Variants in TRDN observed in about 807,000 individuals in gnomAD.
TRDN encodes triadin in skeletal muscle.
In TRDN, 161 loss-of-function variants were observed where a neutral mutation model predicts 149.7. The observed-to-expected ratio is 1.08, with a 90% CI of 0.95 to 1.23. The LOEUF is 1.23. TRDN is among the 50% of genes most tolerant of loss of function. The probability of loss-of-function intolerance (pLI) is 0.00; values close to 1 mark genes in which losing one functional copy is unlikely to be tolerated. For synonymous variants in TRDN, 294 were observed against 250.5 expected, an observed-to-expected ratio of 1.17 and a Z score of -1.64; for missense variants, 896 against 823.5, an observed-to-expected ratio of 1.09 and a Z score of -1.08.
chr6:123,301,772 T>TATATATATATATACATATATATATATAC (rs1417818224), intron 24 of TRDN, among the ~76,000 whole-genome samples: 1 of 124,876 alleles, frequency 8.0e-6, no homozygotes, highest in Non-Finnish European at 1.7e-5. Flanking sequence ...TATATATACA[T>TATATATATATATACATATATATATATAC]ATATATATAT....
At chr6:123,415,724 TG>T (rs1200623436) in intron 12 of TRDN, among the ~76,000 whole-genome samples, 1 of 152,168 alleles carries the variant, frequency 6.6e-6, no homozygotes, top group Non-Finnish European at 1.5e-5. Flanking sequence ...TAAAGGTCAA[TG>T]GTACCTCAGT....
intron 23 of TRDN, among the ~76,000 whole-genome samples, chr6:123,320,038 T>G (rs1351901331): frequency 6.6e-6 from 1 of 152,040 alleles, no homozygotes; most frequent in African/African-American, 2.4e-5. Flanking sequence ...AGAAATAAAT[T>G]TATTCAATAT....
chr6:123,563,043 G>A (rs1331909271), intron 2 of TRDN, among the ~76,000 whole-genome samples: 1 of 152,166 alleles, frequency 6.6e-6, no homozygotes, highest in Non-Finnish European at 1.5e-5. Context: ...GTTTAGAAAT[G>A]TGCACTTGTG....
At chr6:123,303,719 A>C (rs760477211) in intron 24 of TRDN, among the ~76,000 whole-genome samples, 7 of 152,176 alleles carry the variant, frequency 4.6e-5, no homozygotes, top group Non-Finnish European at 7.3e-5. Context: ...TGGATTAAAC[A>C]AGTAGAAACT....
intron 21 of TRDN, among the ~76,000 whole-genome samples, chr6:123,341,264 G>T (rs931879820): frequency 6.6e-6 from 1 of 151,744 alleles, no homozygotes; most frequent in Non-Finnish European, 1.5e-5. Flanking sequence ...CATTAACTTT[G>T]TAATTAAATA....
chr6:123,533,398 G>A (rs1780346093), intron 4 of TRDN, among the ~76,000 whole-genome samples: 1 of 152,060 alleles, frequency 6.6e-6, no homozygotes, highest in African/African-American at 2.4e-5. Context: ...CAGTGCTGAA[G>A]GCCATCTTGC....
At chr6:123,393,772 TA>T (rs1028277574) in intron 12 of TRDN, 95 bp from the exon 13 acceptor site, 35 of 1,198,906 alleles carry the variant, frequency 2.9e-5, no homozygotes, top group Non-Finnish European at 4.1e-5. Context: ...CAAACGAGCA[TA>T]AAAAGTGTTG....
chr6:123,246,797 A>G (rs1050705254), intron 38 of TRDN, among the ~76,000 whole-genome samples: 1 of 152,038 alleles, frequency 6.6e-6, no homozygotes, highest in Non-Finnish European at 1.5e-5. Flanking sequence ...ACAGAAAAAA[A>G]AAAAAAGAAA....
intron 12 of TRDN, among the ~76,000 whole-genome samples, chr6:123,412,345 C>T (rs1455749966): frequency 6.6e-6 from 1 of 152,102 alleles, no homozygotes; most frequent in Non-Finnish European, 1.5e-5. Context: ...TGTTTAAATG[C>T]AAAATTAAAT....
chr6:123,425,235 GTGTGT>G (rs1562306934), intron 12 of TRDN, among the ~76,000 whole-genome samples: 218 of 3,312 alleles, frequency 0.066, 2 homozygotes, highest in Non-Finnish European at 0.18. Context: ...AGGTAGAGGT[GTGTGT>G]GTGTGTGTGT....
chr6:123,355,739 G>A (rs900555159), intron 20 of TRDN, among the ~76,000 whole-genome samples: 3 of 151,712 alleles, frequency 2.0e-5, no homozygotes, highest in Admixed American at 6.6e-5. Context: ...ACAAAATCAA[G>A]TCATCTGATT....
At chr6:123,356,438 A>C (rs62418991) in intron 20 of TRDN, among the ~76,000 whole-genome samples, 36,716 of 146,182 alleles carry the variant, frequency 0.25, 4,828 homozygotes, top group South Asian at 0.28. Flanking sequence ...TATCTTTCAT[A>C]CGTACTAGCA....
chr6:123,543,453 T>C (rs1352466008), intron 4 of TRDN, among the ~76,000 whole-genome samples: 2 of 152,190 alleles, frequency 1.3e-5, no homozygotes, highest in Non-Finnish European at 1.5e-5. Flanking sequence ...GTCCGAATTC[T>C]GTATTAGTGA....
Position 123,465,068 on chromosome 6 carries a change from A to G in TRDN, c.854-85T>C, listed in dbSNP as rs961013662. The stretch of plus-strand genomic sequence containing the variant: ...AACTAAAAAGCTAGATCTGTCCCCT[A>G]CATGCATAATTCATAATACCAAGCC... On this transcript the variant is annotated intron_variant, in intron 9 of 40. Transcript: ENST00000334268. 21 of 1,389,512 alleles carry G rather than the reference A, an allele frequency of 1.5e-5. No homozygotes were observed. The Middle Eastern group carries it at 6.5e-4, about 43-fold the overall frequency. The allele number at this position is 1,389,512 out of a possible 1,614,324, so 86.1% of individuals were successfully genotyped here. A position where few individuals can be genotyped will look rare whatever the true frequency, so the allele number is the denominator to read the frequency against.
intron 2 of TRDN, among the ~76,000 whole-genome samples, chr6:123,548,917 C>A (rs533584376): frequency 2.0e-5 from 3 of 152,038 alleles, no homozygotes; most frequent in South Asian, 2.1e-4. Context: ...TGCAAATAAA[C>A]CCTATGTTAT....
At chr6:123,254,321 G>A (rs1219037479) in intron 37 of TRDN, among the ~76,000 whole-genome samples, 1 of 151,900 alleles carries the variant, frequency 6.6e-6, no homozygotes, top group Non-Finnish European at 1.5e-5. Flanking sequence ...CGTGTGAAAG[G>A]TATGTCTAGA....
At position 123,503,886 on chromosome 6, in the gene TRDN, T is replaced by G; in HGVS notation, c.626A>C (p.Lys209Thr). The G allele has an allele frequency of 6.4e-7, 1 of 1,566,002 alleles. No homozygotes were observed. The highest frequency in any genetic ancestry group is 8.7e-7 in the Non-Finnish European group (1 of 1,154,318). The change falls in exon 8 of 41, where the codon AAG becomes ACG. Residue 209 changes from lysine (K) to threonine (T), a missense_variant. By Grantham distance (78) the Lys-to-Thr change is moderately conservative. Coordinates refer to ENST00000334268, the MANE Select transcript of TRDN (RefSeq NM_006073.4). Reference protein sequence around the residue: ...KTLAKEQKKAKTAEKSEEKTK... With the variant: ...KTLAKEQKKATTAEKSEEKTK... ...CTTTTCTTCACTCTTTTCTGCAGTCTTAGCTTTCTTCTGTTCTGTATAAAG... is the reference window on the plus strand; with the variant it reads ...CTTTTCTTCACTCTTTTCTGCAGTCGTAGCTTTCTTCTGTTCTGTATAAAG...
intron 2 of TRDN, among the ~76,000 whole-genome samples, chr6:123,557,218 A>C (rs1173213564): frequency 1.3e-5 from 2 of 152,010 alleles, no homozygotes; most frequent in South Asian, 2.1e-4. Context: ...TGCTCACTCA[A>C]AGCCTGTTTG....
intron 9 of TRDN, among the ~76,000 whole-genome samples, chr6:123,484,286 A>G (rs1276976151): frequency 3.3e-5 from 5 of 152,156 alleles, no homozygotes; most frequent in Admixed American, 6.5e-5. Context: ...GAAAAGGGGT[A>G]AGAACTATGC....
Sources: gnomAD v4.1 joint callset for allele counts (sites outside exome capture counted in the v4.1 genomes callset) on GRCh38, gnomAD v4.1.1 for gene constraint, MANE v1.5 for transcripts, NCBI Gene and HGNC (gene_info 2026-07-23, HGNC 2026-07-21) for gene names.